The following SPINK8 variants were observed in gnomAD, a reference collection of about 807,000 sequenced individuals.
SPINK8 encodes serine peptidase inhibitor Kazal type 8 (putative).
A neutral mutation model predicts 14.4 loss-of-function variants in SPINK8; 12 were observed. That is an observed-to-expected ratio of 0.83 (90% CI 0.53 to 1.35). The LOEUF (loss-of-function observed/expected upper bound fraction) is 1.35. Ranked by LOEUF, SPINK8 falls within the 40% of genes most tolerant of loss-of-function variation. The pLI, the probability that SPINK8 is intolerant of heterozygous loss-of-function variation, is 0.00. For synonymous variants in SPINK8, 32 were observed against 37.6 expected, an observed-to-expected ratio of 0.85 and a Z score of 0.55; for missense variants, 103 against 117.0, an observed-to-expected ratio of 0.88 and a Z score of 0.55.
chr3:48,324,935 A>T (rs949184318), intron 4 of SPINK8, among the ~76,000 whole-genome samples: 2 of 152,068 alleles, frequency 1.3e-5, no homozygotes, highest in African/African-American at 4.8e-5. Context: ...TTCTCCCTTC[A>T]ATTCTGTTAG....
At chr3:48,310,609 T>A (rs2035912810) in intron 6 of SPINK8, among the ~76,000 whole-genome samples, 1 of 152,010 alleles carries the variant, frequency 6.6e-6, no homozygotes, top group African/African-American at 2.4e-5. Context: ...GCAATTCTCC[T>A]GCCTCAGCCT....
At chr3:48,313,165 G>C (rs772649380) in intron 6 of SPINK8, among the ~76,000 whole-genome samples, 1 of 152,090 alleles carries the variant, frequency 6.6e-6, no homozygotes, top group African/African-American at 2.4e-5. Flanking sequence ...TAAAAACTTT[G>C]TGCATCAAAG....
chr3:48,307,538 C>A (rs1255963104), intron 7 of SPINK8, among the ~76,000 whole-genome samples: 5 of 86,128 alleles, frequency 5.8e-5, no homozygotes, highest in Non-Finnish European at 1.4e-4. Flanking sequence ...CTATCTGCCC[C>A]CCACCCCCCC....
At chr3:48,307,818 C>T (rs1414449433) in intron 7 of SPINK8, among the ~76,000 whole-genome samples, 1 of 151,962 alleles carries the variant, frequency 6.6e-6, no homozygotes, top group Admixed American at 6.6e-5. Context: ...GTGACTTTTT[C>T]TTCAACGCTC....
At chr3:48,310,166 A>G (rs1347593764) in intron 6 of SPINK8, among the ~76,000 whole-genome samples, 1 of 152,250 alleles carries the variant, frequency 6.6e-6, no homozygotes, top group Admixed American at 6.5e-5. Context: ...CAGAAATTCA[A>G]AATAGCCTTT....
At chr3:48,325,293 T>A (rs1439367041) in intron 4 of SPINK8, among the ~76,000 whole-genome samples, 1 of 152,206 alleles carries the variant, frequency 6.6e-6, no homozygotes, top group African/African-American at 2.4e-5. Flanking sequence ...TTAATTTTTT[T>A]ATTGATATAG....
chr3:48,330,878 G>A (rs1306058458), intron 2 of SPINK8, among the ~76,000 whole-genome samples: 1 of 128,822 alleles, frequency 7.8e-6, no homozygotes, highest in East Asian at 2.1e-4. Context: ...GAAAACCCAA[G>A]TGCTGTTGGG....
intron 6 of SPINK8, among the ~76,000 whole-genome samples, chr3:48,315,075 AT>A (rs992039942): frequency 6.6e-6 from 1 of 152,142 alleles, no homozygotes; most frequent in Non-Finnish European, 1.5e-5. Context: ...ATTTAAGGAA[AT>A]TTTTTTCCAA....
chr3:48,325,612 G>A (rs1420548074), intron 4 of SPINK8, among the ~76,000 whole-genome samples: 2 of 139,662 alleles, frequency 1.4e-5, no homozygotes, highest in African/African-American at 5.4e-5. Flanking sequence ...TTTTTTTTGA[G>A]AGTGAGTTTC....
At chr3:48,320,869 T>C (rs2036064161) in intron 5 of SPINK8, among the ~76,000 whole-genome samples, 156 bp downstream of exon 5, 1 of 152,180 alleles carries the variant, frequency 6.6e-6, no homozygotes, top group Non-Finnish European at 1.5e-5. Flanking sequence ...ACATATAAAA[T>C]GTGCTACACA....
intron 7 of SPINK8, among the ~76,000 whole-genome samples, chr3:48,308,539 T>C (rs1219165075): frequency 6.6e-6 from 1 of 152,226 alleles, no homozygotes; most frequent in East Asian, 1.9e-4. Flanking sequence ...GGATCTCCCC[T>C]AGAAGATTTG....
rs563564318 is a variant in SPINK8 at position 48,315,337 on chromosome 3, A to G, written c.239+4160T>C. The stretch of plus-strand genomic sequence containing the variant: ...AAGGAAAAGAAAGTATGGCTCGCAT[A>G]TAGGATAAAAGTCAGTCAATGGAAT... On this transcript the variant is annotated intron_variant, in intron 6 of 7. Coordinates refer to ENST00000434006, the MANE Select transcript of SPINK8 (RefSeq NM_001080525.3). 3.9e-5 allele frequency among the ~76,000 whole-genome samples: 6 copies of G among 152,344 alleles called. No homozygotes were observed. In the South Asian group the frequency reaches 1.0e-3, roughly 26 times the overall value.
intron 4 of SPINK8, among the ~76,000 whole-genome samples, chr3:48,322,874 A>G (rs1433534200): frequency 6.6e-6 from 1 of 152,184 alleles, no homozygotes; most frequent in African/African-American, 2.4e-5. Flanking sequence ...GCTATTATGA[A>G]TAAAGCTGCT....
intron 6 of SPINK8, among the ~76,000 whole-genome samples, chr3:48,318,371 C>T (rs1442032036): frequency 3.3e-5 from 5 of 152,172 alleles, no homozygotes; most frequent in Non-Finnish European, 7.4e-5. Context: ...GAACTCCTGA[C>T]CTCAGGTGAT....
At chr3:48,311,915 G>GGA (rs1234778735) in intron 6 of SPINK8, among the ~76,000 whole-genome samples, 1 of 152,054 alleles carries the variant, frequency 6.6e-6, no homozygotes, top group African/African-American at 2.4e-5. Context: ...AATTGCAAAG[G>GGA]GCCCTGAGTT....
intron 7 of SPINK8, among the ~76,000 whole-genome samples, chr3:48,308,066 C>T (rs750940723): frequency 1.3e-5 from 2 of 148,302 alleles, no homozygotes; most frequent in African/African-American, 5.0e-5. Context: ...CTCCACCTCC[C>T]GGGTTCATGC....
Position 48,307,128 on chromosome 3 carries a change from C to G in SPINK8, c.283-125G>C, listed in dbSNP as rs547288207. On this transcript the variant is annotated intron_variant, in intron 7 of 7. Transcript: ENST00000434006. Reference sequence around the variant, plus strand: ...TAAACAATTATTCTCTGAATTAAGGCAGGTTAGAGACATTCTAATTTCACT... The same window carrying G: ...TAAACAATTATTCTCTGAATTAAGGGAGGTTAGAGACATTCTAATTTCACT... 97 of 953,810 alleles carry G rather than the reference C, an allele frequency of 1.0e-4. 2 individuals carry two copies. The South Asian group carries it at 1.5e-3, about 15-fold the overall frequency. The allele number at this position is 953,810 out of a possible 1,614,324, so 59.1% of individuals were successfully genotyped here.
chr3:48,326,008 C>A (rs895516880), intron 4 of SPINK8, among the ~76,000 whole-genome samples: 11 of 151,356 alleles, frequency 7.3e-5, no homozygotes, highest in African/African-American at 1.2e-4. Flanking sequence ...TGGGATGGAG[C>A]CTCAGTCTCA....
chr3:48,326,025 G>A (rs1449339150), intron 4 of SPINK8, among the ~76,000 whole-genome samples: 2 of 151,646 alleles, frequency 1.3e-5, no homozygotes. Context: ...CTCACAAGTA[G>A]GAGATGGGTG....
Sources: gnomAD v4.1 joint callset for allele counts (sites outside exome capture counted in the v4.1 genomes callset) on GRCh38, gnomAD v4.1.1 for gene constraint, MANE v1.5 for transcripts, NCBI Gene and HGNC (gene_info 2026-07-23, HGNC 2026-07-21) for gene names.